The following DAB1 variants were observed in gnomAD, a reference collection of about 807,000 sequenced individuals.
The protein encoded by DAB1 is DAB adaptor protein 1.
DAB1 carries 15 observed loss-of-function variants against 64.6 expected under a neutral mutation model. The ratio of observed to expected loss-of-function variants is 0.23; its 90% confidence interval spans 0.16 to 0.36. The LOEUF (loss-of-function observed/expected upper bound fraction) is 0.36, where lower values mean the gene tolerates loss of function less well. Ranked by LOEUF, DAB1 falls within the 10% of genes least tolerant of loss-of-function variation. DAB1 has a pLI of 1.00. For synonymous variants in DAB1, 235 were observed against 251.9 expected (o/e 0.93, Z 0.64); for missense variants, 596 against 706.7 (o/e 0.84, Z 1.78).
rs546324294 is a variant in DAB1, at chr1:58,025,924, T to C, written n.387+124587A>G. On this transcript the variant is annotated intron_variant and non_coding_transcript_variant, in intron 5 of 20. Transcript: ENST00000485760. ...GAGCGCTTGTTCCAGTTTCTGACCCTGTGCATTGTTCTTGTTCTCACCTCC... is the reference window on the plus strand; with the variant it reads ...GAGCGCTTGTTCCAGTTTCTGACCCCGTGCATTGTTCTTGTTCTCACCTCC... Among the ~76,000 whole-genome samples, 7 of 152,166 alleles carry C rather than the reference T, an allele frequency of 4.6e-5. No individual in the cohort carries two copies. The East Asian group carries it at 1.2e-3, about 25-fold the overall frequency.
intron 4 of DAB1, among the ~76,000 whole-genome samples, chr1:58,199,350 T>C (rs1657873315): frequency 6.6e-6 from 1 of 152,238 alleles, no homozygotes; most frequent in African/African-American, 2.4e-5. Flanking sequence ...CTCTAGTTTA[T>C]ATATTCCTCA....
intron 5 of DAB1, among the ~76,000 whole-genome samples, chr1:57,917,721 A>T (rs1245419547): frequency 3.3e-5 from 5 of 152,268 alleles, no homozygotes; most frequent in African/African-American, 1.2e-4. Context: ...TAAAGTCTTT[A>T]AAGTAAAATG....
chr1:58,139,105 A>C (rs1309858540), intron 5 of DAB1, among the ~76,000 whole-genome samples: 1 of 152,068 alleles, frequency 6.6e-6, no homozygotes, highest in African/African-American at 2.4e-5. Context: ...CTCCTACTTC[A>C]TTTCATTTCT....
At chr1:58,045,990 A>G (rs778904370) in intron 5 of DAB1, among the ~76,000 whole-genome samples, 47 of 151,364 alleles carry the variant, frequency 3.1e-4, no homozygotes, top group Non-Finnish European at 1.9e-4. Flanking sequence ...GGAGACTAAA[A>G]TTTTCAGGGT....
intron 6 of DAB1, among the ~76,000 whole-genome samples, chr1:57,683,198 T>A (rs1646656926): frequency 6.6e-6 from 1 of 152,176 alleles, no homozygotes; most frequent in Admixed American, 6.5e-5. Flanking sequence ...GTTCATGGGC[T>A]GGCGTGGGAG....
At chr1:57,080,721 T>C (rs1652417634) in intron 4 of DAB1, among the ~76,000 whole-genome samples, 1 of 151,074 alleles carries the variant, frequency 6.6e-6, no homozygotes, top group Non-Finnish European at 1.5e-5. Flanking sequence ...CATATTTTGT[T>C]AAAGAGAAGT....
intron 4 of DAB1, among the ~76,000 whole-genome samples, chr1:58,339,627 A>G (rs1244307105): frequency 3.3e-5 from 5 of 152,294 alleles, no homozygotes; most frequent in African/African-American, 1.2e-4. Flanking sequence ...TTCTCCTCAT[A>G]TATGGACGAT....
intron 5 of DAB1, among the ~76,000 whole-genome samples, chr1:57,937,117 C>T (rs1645037691): frequency 1.3e-5 from 2 of 151,950 alleles, no homozygotes; most frequent in South Asian, 2.1e-4. Flanking sequence ...TATTCCTGTG[C>T]TTTAAATTGG....
intron 1 of DAB1, among the ~76,000 whole-genome samples, chr1:57,333,637 A>G (rs1676858087): frequency 6.6e-6 from 1 of 152,224 alleles, no homozygotes; most frequent in African/African-American, 2.4e-5. Context: ...TGCTCCTCTC[A>G]AAGCCACTCC....
intron 7 of DAB1, among the ~76,000 whole-genome samples, chr1:57,487,719 C>G (rs1644109667): frequency 6.6e-6 from 1 of 152,144 alleles, no homozygotes; most frequent in African/African-American, 2.4e-5. Flanking sequence ...TTAGGCTATA[C>G]CATCTAGATT....
chr1:57,306,473 T>G (rs1463978244), intron 1 of DAB1, among the ~76,000 whole-genome samples: 1 of 151,878 alleles, frequency 6.6e-6, no homozygotes, highest in Non-Finnish European at 1.5e-5. Flanking sequence ...TACCCTGTTT[T>G]GCCAAACACT....
At chr1:58,486,793 T>C (rs1448762679) in intron 3 of DAB1, among the ~76,000 whole-genome samples, 3 of 152,098 alleles carry the variant, frequency 2.0e-5, no homozygotes, top group Non-Finnish European at 4.4e-5. Flanking sequence ...GAGGGAAGAA[T>C]GTTTCAGACA....
At chr1:57,187,906 G>A (rs925828319) in intron 2 of DAB1, among the ~76,000 whole-genome samples, 1 of 151,942 alleles carries the variant, frequency 6.6e-6, no homozygotes, top group Non-Finnish European at 1.5e-5. Context: ...GAGAGACCCC[G>A]CAAGGAGGGA....
At chr1:57,255,811 C>T (rs887264295) in intron 2 of DAB1, among the ~76,000 whole-genome samples, 5 of 152,186 alleles carry the variant, frequency 3.3e-5, no homozygotes, top group African/African-American at 9.7e-5. Context: ...CATCTGAAGG[C>T]ATTAAAATAA....
intron 4 of DAB1, among the ~76,000 whole-genome samples, chr1:57,082,683 CT>C (rs1652664728): frequency 6.6e-6 from 1 of 152,138 alleles, no homozygotes; most frequent in African/African-American, 2.4e-5. Flanking sequence ...CTCCCTCCCC[CT>C]GATCCCCCAA....
intron 2 of DAB1, among the ~76,000 whole-genome samples, chr1:57,244,332 A>G (rs965450636): frequency 2.0e-5 from 3 of 152,262 alleles, no homozygotes; most frequent in African/African-American, 7.2e-5. Flanking sequence ...CACAGTAAAT[A>G]TCAGAAATAT....
chr1:58,537,780 A>C (rs1330764490), intron 1 of DAB1, among the ~76,000 whole-genome samples: 1 of 152,232 alleles, frequency 6.6e-6, no homozygotes, highest in Admixed American at 6.5e-5. Flanking sequence ...CAAACTATCG[A>C]GTATACTTAT....
intron 5 of DAB1, among the ~76,000 whole-genome samples, chr1:58,018,703 G>C (rs1305987965): frequency 6.6e-6 from 1 of 152,148 alleles, no homozygotes; most frequent in Non-Finnish European, 1.5e-5. Context: ...GAATCGAAAG[G>C]TGTTAATTGT....
chr1:58,433,605 G>GTGTGTGTGTT (rs1644908603), intron 3 of DAB1, among the ~76,000 whole-genome samples: 1 of 149,458 alleles, frequency 6.7e-6, no homozygotes, highest in African/African-American at 2.5e-5. Flanking sequence ...GAGTGTGTGT[G>GTGTGTGTGTT]TGTGTGTGTG....
Sources: gnomAD v4.1 joint callset for allele counts (sites outside exome capture counted in the v4.1 genomes callset) on GRCh38, gnomAD v4.1.1 for gene constraint, MANE v1.5 for transcripts, NCBI Gene and HGNC (gene_info 2026-07-23, HGNC 2026-07-21) for gene names.